GRK6: variants seen among roughly 807,000 people sequenced by gnomAD.
The protein encoded by GRK6 is G protein-coupled receptor kinase 6.
In GRK6, 37 loss-of-function variants were observed where a neutral mutation model predicts 80.8. The ratio of observed to expected loss-of-function variants is 0.46; its 90% confidence interval spans 0.35 to 0.60. The LOEUF is 0.60. Among genes scored for constraint, GRK6 ranks in the 20% least tolerant of loss-of-function variants. The pLI, the probability that GRK6 is intolerant of heterozygous loss-of-function variation, is 0.00. For missense variants in GRK6, 560 were observed against 784.6 expected, an observed-to-expected ratio of 0.71 and a Z score of 3.42; for synonymous variants, 295 against 320.9, an observed-to-expected ratio of 0.92 and a Z score of 0.86.
At chr5:177,426,341 C>T (rs1466206622), upstream of GRK6, among the ~76,000 whole-genome samples, 1 of 152,238 alleles carries the variant, frequency 6.6e-6, no homozygotes, top group Non-Finnish European at 1.5e-5. Flanking sequence ...CACCCAATCA[C>T]ATATTCGGCC....
rs750004797 is a variant in GRK6 at position 177,433,969 on chromosome 5, T to A, written c.794T>A (p.Leu265Gln). Reference sequence around the variant, plus strand: ...GACGCGCTGTGCCTGGTGCTGACACTGATGAACGGGGGCGACCTCAAGTTC... The same window carrying A: ...GACGCGCTGTGCCTGGTGCTGACACAGATGAACGGGGGCGACCTCAAGTTC... The part of the protein sequence containing the change: ...TKDALCLVLT[L>Q]MNGGDLKFHI... The change falls in exon 9 of 16, where the codon CTG becomes CAG. Residue 265 changes from leucine to glutamine, a missense_variant. Transcript: ENST00000355472. 2 of 1,611,698 alleles carry A rather than the reference T, an allele frequency of 1.2e-6. No individual in the cohort carries two copies. The highest frequency in any genetic ancestry group is 1.7e-6 in the Non-Finnish European group (2 of 1,178,696).
chr5:177,432,160 C>T (rs2127372640), intron 3 of GRK6, 53 bp downstream of exon 3: 1 of 1,608,832 alleles, frequency 6.2e-7, no homozygotes, highest in African/African-American at 1.3e-5. Flanking sequence ...GTCCTGGCCC[C>T]ATGTGCCCCT....
chr5:177,427,701 C>T (rs1250918759), intron 1 of GRK6, among the ~76,000 whole-genome samples: 3 of 152,190 alleles, frequency 2.0e-5, no homozygotes, highest in Non-Finnish European at 4.4e-5. Context: ...CTGCCACACT[C>T]CACCTCAGTA....
chr5:177,436,541 C>A lies in GRK6; in HGVS notation c.1404+11C>A. On this transcript the variant is annotated intron_variant, in intron 13 of 15. Coordinates refer to ENST00000355472, the MANE Select transcript of GRK6 (RefSeq NM_001004106.3). ...CCGTTCAAGCCTGACGTGAGTGCAGCCCACTCCTGCTGAGGGCGGGGCCCA... is the reference window on the plus strand; with the variant it reads ...CCGTTCAAGCCTGACGTGAGTGCAGACCACTCCTGCTGAGGGCGGGGCCCA... The A allele has an allele frequency of 6.4e-7, 1 of 1,568,472 alleles. No homozygotes were observed. The highest frequency in any genetic ancestry group is 1.8e-4 in the Middle Eastern group (1 of 5,410).
rs903761950 is a variant in GRK6 at position 177,432,181 on chromosome 5, C to T, written c.262-52C>T. On this transcript the variant is annotated intron_variant, in intron 3 of 15. Transcript: ENST00000355472. ...GCCCCATGTGCCCCTCCTCCCCACA[C>T]CTGCTGCTTGCCCTGCCCAGACCTC... The T allele has an allele frequency of 2.5e-6, 4 of 1,611,184 alleles. No homozygotes were observed. In the East Asian group the frequency reaches 6.7e-5, roughly 27 times the overall value.
In GRK6 at chr5:177,426,736, GCGAGCCGAGCCGAGC is replaced by G. The variant is rs1252146164; in HGVS notation, c.-107_-93del. ...CCGGGGAGGCCGCGGCGCGGTCACT[GCGAGCCGAGCCGAGC>G]CGCGCCGAGCCGCGCCGATCGCCAT... On this transcript the variant is annotated 5_prime_UTR_variant, in exon 1 of 16. Coordinates refer to ENST00000355472, the MANE Select transcript of GRK6 (RefSeq NM_001004106.3). 4.7e-5 allele frequency: 26 copies of G among 549,276 alleles called. No homozygotes were observed. Among genetic ancestry groups the G allele is most frequent in the Non-Finnish European group, 5.8e-5 (25 of 433,656 alleles). 34.0% of individuals were successfully genotyped at this position (549,276 alleles called of 1,614,324 possible). A position where few individuals can be genotyped will look rare whatever the true frequency, so the allele number is the denominator to read the frequency against.
Position 177,426,744 on chromosome 5 carries a change from AGCCGAGCCGC to A in GRK6, c.-86_-77del, listed in dbSNP as rs1375056516. 9.6e-5 allele frequency: 59 copies of A among 611,548 alleles called. No individual in the cohort carries two copies. The highest frequency in any genetic ancestry group is 8.1e-4 in the Middle Eastern group (1 of 1,230). 37.9% of individuals were successfully genotyped at this position (611,548 alleles called of 1,614,324 possible). ...GCCGCGGCGCGGTCACTGCGAGCCG[AGCCGAGCCGC>A]GCCGAGCCGCGCCGATCGCCATCCG... On this transcript the variant is annotated 5_prime_UTR_variant, in exon 1 of 16. Transcript: ENST00000355472.
Position 177,440,976 on chromosome 5 carries a change from C to T in GRK6, c.1600C>T (p.Pro534Ser). 2 of 1,613,772 alleles carry T rather than the reference C, an allele frequency of 1.2e-6. No individual in the cohort carries two copies. Among genetic ancestry groups the T allele is most frequent in the Non-Finnish European group, 1.7e-6 (2 of 1,179,794 alleles). Residue 534 changes from proline to serine, a missense_variant, in exon 15 of 16, where the codon CCC becomes TCC. By Grantham distance (74) the Pro-to-Ser change is moderately conservative. This residue lies in a region of GRK6 where 294 missense variants were observed against 397.4 expected (regional missense o/e 0.74). Coordinates refer to ENST00000355472, the MANE Select transcript of GRK6 (RefSeq NM_001004106.3). Reference sequence around the variant, plus strand: ...TGTCTTTGGGCTGGATGGCTCAGTTCCCCCAGACCTGGACTGGAAGGGCCA... The same window carrying T: ...TGTCTTTGGGCTGGATGGCTCAGTTTCCCCAGACCTGGACTGGAAGGGCCA... ...LNVFGLDGSV[P>S]PDLDWKGQPP...
chr5:177,437,002 T>C (rs1764191315), intron 13 of GRK6, among the ~76,000 whole-genome samples: 1 of 152,096 alleles, frequency 6.6e-6, no homozygotes, highest in Non-Finnish European at 1.5e-5. Context: ...TCCCCGAGGC[T>C]GGAGTGCAGT....
rs1763743600 is a variant in GRK6 at position 177,428,131 on chromosome 5, T to C, written c.52+1234T>C. Among the ~76,000 whole-genome samples, 1 of 152,210 alleles carries C rather than the reference T, an allele frequency of 6.6e-6. No homozygotes were observed. The highest frequency in any genetic ancestry group is 2.1e-4 in the South Asian group (1 of 4,830). On this transcript the variant is annotated intron_variant, in intron 1 of 15. Transcript: ENST00000355472. The surrounding 1 kb of genome is among the most constrained non-coding windows in gnomAD (Gnocchi z 4.1). ...GGAGCCTGTCTTATCCCCTGTCCCT[T>C]ATCGAGCCCATGGGCTAGGCCTTCC...
At position 177,441,991 on chromosome 5, in the gene GRK6, G is replaced by A. The variant is rs1764531871; in HGVS notation, c.*201G>A. The A allele has an allele frequency of 1.7e-6, 1 of 597,938 alleles. No individual in the cohort carries two copies. Among genetic ancestry groups the A allele is most frequent in the Admixed American group, 3.0e-5 (1 of 32,788 alleles). 37.0% of individuals were successfully genotyped at this position (597,938 alleles called of 1,614,324 possible). A position where few individuals can be genotyped will look rare whatever the true frequency, so the allele number is the denominator to read the frequency against. On this transcript the variant is annotated 3_prime_UTR_variant, in exon 16 of 16. Coordinates refer to ENST00000355472, the MANE Select transcript of GRK6 (RefSeq NM_001004106.3). ...GGCCTGGGCCATCCCTGGGACAAAG[G>A]TGCGTCCCTTCAGCTCTTCTCCGTG...
At position 177,436,076 on chromosome 5, in the gene GRK6, C is replaced by T. The variant is rs764280672; in HGVS notation, c.1061C>T (p.Pro354Leu). ...AACTCCCATGCCGCCCGCCCAGCTCCGGAGGTGGTGAAGAATGAACGGTAC... is the reference window on the plus strand; with the variant it reads ...AACTCCCATGCCGCCCGCCCAGCTCTGGAGGTGGTGAAGAATGAACGGTAC... ...GRVGTVGYMA[P>L]EVVKNERYTF... The change falls in exon 12 of 16, where the codon CCG becomes CTG. Residue 354 changes from proline (P) to leucine (L), a missense_variant. Coordinates refer to ENST00000355472, the MANE Select transcript of GRK6 (RefSeq NM_001004106.3). The T allele has an allele frequency of 3.7e-6, 6 of 1,612,150 alleles. No homozygotes were observed. Among genetic ancestry groups the T allele is most frequent in the South Asian group, 1.1e-5 (1 of 91,060 alleles).
Position 177,441,919 on chromosome 5 carries a change from C to T in GRK6, c.*129C>T. On this transcript the variant is annotated 3_prime_UTR_variant, in exon 16 of 16. Coordinates refer to ENST00000355472, the MANE Select transcript of GRK6 (RefSeq NM_001004106.3). The stretch of plus-strand genomic sequence containing the variant: ...CCTGGGGAACACAGACGGAGCTGTC[C>T]CCAGTGTCCTCCGTCCCTCAGCCCC... 2 of 850,060 alleles carry T rather than the reference C, an allele frequency of 2.4e-6. No individual in the cohort carries two copies. The highest frequency in any genetic ancestry group is 3.8e-6 in the Non-Finnish European group (2 of 524,654). 52.7% of individuals were successfully genotyped at this position (850,060 alleles called of 1,614,324 possible).
chr5:177,431,977 T>C lies in GRK6; in HGVS notation c.149-18T>C. On this transcript the variant is annotated intron_variant, in intron 2 of 15. Transcript: ENST00000355472. ...GCTCTCGGGCTGTGGACCCAGCAGC[T>C]TCCATCACTGCCAACAGAGCGTGAC... 4 of 1,609,378 alleles carry C rather than the reference T, an allele frequency of 2.5e-6. No homozygotes were observed. The highest frequency in any genetic ancestry group is 3.4e-6 in the Non-Finnish European group (4 of 1,176,770).
intron 4 of GRK6, 68 bp from the exon 5 acceptor site, chr5:177,432,638 C>G: frequency 1.8e-6 from 2 of 1,142,364 alleles, no homozygotes; most frequent in Non-Finnish European, 1.3e-6. Context: ...TGCCTGACCC[C>G]TCTCCCCTGG....
chr5:177,442,105 C>CG lies in GRK6; in HGVS notation c.*316dup. On this transcript the variant is annotated 3_prime_UTR_variant, in exon 16 of 16. Coordinates refer to ENST00000355472, the MANE Select transcript of GRK6 (RefSeq NM_001004106.3). ...ATTCCCGCCGCAGACCTGGCGCCCC[C>CG]GCCTTGGCTCCTGGGGGCAGCCAGC... The CG allele has an allele frequency of 2.7e-6, 1 of 363,936 alleles. No individual in the cohort carries two copies. Among genetic ancestry groups the CG allele is most frequent in the East Asian group, 5.1e-5 (1 of 19,688 alleles). 22.5% of individuals were successfully genotyped at this position (363,936 alleles called of 1,614,324 possible). A position where few individuals can be genotyped will look rare whatever the true frequency, so the allele number is the denominator to read the frequency against.
At chr5:177,433,293 A>G in intron 6 of GRK6, 54 bp downstream of exon 6, 3 of 1,613,714 alleles carry the variant, frequency 1.9e-6, no homozygotes, top group Non-Finnish European at 2.5e-6. Flanking sequence ...GGTTCTTCAT[A>G]GGCCTTGGGC....
chr5:177,431,954 T>A (rs748845087), intron 2 of GRK6, 41 bp from the exon 3 acceptor site: 1 of 1,572,744 alleles, frequency 6.4e-7, no homozygotes, highest in Non-Finnish European at 8.7e-7. Context: ...ACCCATGTGC[T>A]CTCGGGCTGT....
At chr5:177,431,901 C>T (rs1166544646) in intron 2 of GRK6, 94 bp from the exon 3 acceptor site, 2 of 1,053,010 alleles carry the variant, frequency 1.9e-6, no homozygotes, top group Admixed American at 3.4e-5. Flanking sequence ...GAGCTGGAAG[C>T]TGTTGTGGGG....
Sources: gnomAD v4.1 joint callset for allele counts (sites outside exome capture counted in the v4.1 genomes callset) on GRCh38, gnomAD v4.1.1 for gene constraint, gnomAD v4.1.1 regional missense constraint, Gnocchi (gnomAD v3.1) non-coding constraint, MANE v1.5 for transcripts, NCBI Gene and HGNC (gene_info 2026-07-23, HGNC 2026-07-21) for gene names.